The following KIRREL3 variants were observed in gnomAD, a reference collection of about 807,000 sequenced individuals.
KIRREL3 encodes the protein kirre like nephrin family adhesion molecule 3.
A neutral mutation model predicts 89.7 loss-of-function variants in KIRREL3; 36 were observed. The ratio of observed to expected loss-of-function variants is 0.40; its 90% CI spans 0.31 to 0.53. The LOEUF is 0.53. Ranked by LOEUF, KIRREL3 falls within the 20% of genes least tolerant of loss-of-function variation. The pLI, the probability that KIRREL3 is intolerant of heterozygous loss-of-function variation, is 0.49. For missense variants in KIRREL3, 864 were observed against 1,056.6 expected (o/e 0.82, Z 2.53); for synonymous variants, 445 against 441.4 (o/e 1.01, Z -0.10).
In KIRREL3 at chr11:126,490,891, G is replaced by A. The variant is rs1274321719; in HGVS notation, c.434-17425C>T. On this transcript the variant is annotated intron_variant, in intron 4 of 16. Transcript: ENST00000525144. The surrounding 1 kb of genome is among the most constrained non-coding windows in gnomAD (Gnocchi z 4.2). Reference sequence around the variant, plus strand: ...CCTTCTGGAGTGCAAGGTCAGGCAGGGATGCTCATTTGCTCTTAAGGGTGC... The same window carrying A: ...CCTTCTGGAGTGCAAGGTCAGGCAGAGATGCTCATTTGCTCTTAAGGGTGC... Among the ~76,000 whole-genome samples the A allele has an allele frequency of 6.6e-6, 1 of 152,150 alleles. No homozygotes were observed.
Position 126,797,635 on chromosome 11 carries a change from T to A in KIRREL3, c.55+202820A>T, listed in dbSNP as rs1950855629. Among the ~76,000 whole-genome samples, 1 of 152,100 alleles carries A rather than the reference T, an allele frequency of 6.6e-6. No individual in the cohort carries two copies. Among genetic ancestry groups the A allele is most frequent in the East Asian group, 1.9e-4 (1 of 5,186 alleles). ...TGGGGCTGTGTGATGGGGCTTCTGA[T>A]GGGGCCCTGGCAGCGGGAGTCTCAG... On this transcript the variant is annotated intron_variant, in intron 1 of 16. Transcript: ENST00000525144. This position sits in a 1 kb window ranked among gnomAD's most constrained non-coding sequence, Gnocchi z 4.9.
At chr11:126,464,542 A>G (rs1056494292) in intron 5 of KIRREL3, among the ~76,000 whole-genome samples, 1 of 20,684 alleles carries the variant, frequency 4.8e-5, no homozygotes, top group Non-Finnish European at 9.1e-5. Context: ...GAAGAAGAAG[A>G]AAAAGAAAAA....
chr11:126,990,812 C>G lies in KIRREL3; in HGVS notation c.55+9643G>C, dbSNP rs146851293. 3.9e-5 allele frequency among the ~76,000 whole-genome samples: 6 copies of G among 152,326 alleles called. 1 individual carries two copies. Among genetic ancestry groups the G allele is most frequent in the African/African-American group, 1.2e-4 (5 of 41,574 alleles). ...AGTGCAGGTCCTAGGATTTAGGGAA[C>G]GCAACCACTGAGGGATTAAGTGGTG... is the stretch of plus-strand genomic sequence containing the variant. On this transcript the variant is annotated intron_variant, in intron 1 of 16. Coordinates refer to ENST00000525144, the MANE Select transcript of KIRREL3 (RefSeq NM_032531.4). This position sits in a 1 kb window ranked among gnomAD's most constrained non-coding sequence, Gnocchi z 6.3.
At chr11:126,456,294 G>A in intron 7 of KIRREL3, 55 bp downstream of exon 7, 1 of 1,216,994 alleles carries the variant, frequency 8.2e-7, no homozygotes, top group Non-Finnish European at 1.2e-6. Context: ...CCACGTGAGA[G>A]GCACGGGGGT....
intron 1 of KIRREL3, among the ~76,000 whole-genome samples, chr11:126,660,505 A>G (rs1945347509): frequency 6.6e-6 from 1 of 152,174 alleles, no homozygotes; most frequent in South Asian, 2.1e-4. Context: ...TTCCATTAGC[A>G]TGGCTAATTG....
Position 126,428,083 on chromosome 11 carries a change from C to T in KIRREL3, c.1806+1096G>A, listed in dbSNP as rs1420167256. Among the ~76,000 whole-genome samples the T allele has an allele frequency of 6.6e-6, 1 of 152,174 alleles. No individual in the cohort carries two copies. Among genetic ancestry groups the T allele is most frequent in the African/African-American group, 2.4e-5 (1 of 41,442 alleles). ...GATGAACACAGCAGCAGCTGCTCAC[C>T]CTCTAGCAACATAAACCGCTAATAT... On this transcript the variant is annotated intron_variant, in intron 15 of 16. Transcript: ENST00000525144. The surrounding 1 kb of genome is among the most constrained non-coding windows in gnomAD (Gnocchi z 6.4).
At position 126,521,682 on chromosome 11, in the gene KIRREL3, G is replaced by C. The variant is rs1273015022; in HGVS notation, c.284-218C>G. ...TCTCTCTCTCTCTCTCTGTATGTGT[G>C]TGTGTGTGTGTGTGTGTGTGTGTGT... On this transcript the variant is annotated intron_variant, in intron 3 of 16. Transcript: ENST00000525144. The surrounding 1 kb of genome is among the most constrained non-coding windows in gnomAD (Gnocchi z 4.1). Among the ~76,000 whole-genome samples, 3 of 748 alleles carry C rather than the reference G, an allele frequency of 4.0e-3. No individual in the cohort carries two copies. The highest frequency in any genetic ancestry group is 0.014 in the African/African-American group (3 of 210). The allele number at this position is 748 out of a possible 152,430, so 0.5% of individuals were successfully genotyped here.
Position 126,990,716 on chromosome 11 carries a change from T to A in KIRREL3, c.55+9739A>T, listed in dbSNP as rs1950012410. On this transcript the variant is annotated intron_variant, in intron 1 of 16. Coordinates refer to ENST00000525144, the MANE Select transcript of KIRREL3 (RefSeq NM_032531.4). The surrounding 1 kb of genome is among the most constrained non-coding windows in gnomAD (Gnocchi z 6.3). ...TGTAAGAAAAAGGCTTCAGAGGGCA[T>A]CTCCCTGAAGAAACAGAACTCCTTG... is the stretch of plus-strand genomic sequence containing the variant. Among the ~76,000 whole-genome samples, 1 of 152,164 alleles carries A rather than the reference T, an allele frequency of 6.6e-6. No individual in the cohort carries two copies. Among genetic ancestry groups the A allele is most frequent in the African/African-American group, 2.4e-5 (1 of 41,444 alleles).
Position 126,747,908 on chromosome 11 carries a change from G to A in KIRREL3, c.56-184996C>T, listed in dbSNP as rs975565131. On this transcript the variant is annotated intron_variant, in intron 1 of 16. Coordinates refer to ENST00000525144, the MANE Select transcript of KIRREL3 (RefSeq NM_032531.4). The surrounding 1 kb of genome is among the most constrained non-coding windows in gnomAD (Gnocchi z 4.7). ...AGACTCCCCTCCAGACAGGCGTTGC[G>A]GTCTTTCCCTATCCCACAGGGTCTA... Among the ~76,000 whole-genome samples the A allele has an allele frequency of 1.3e-5, 2 of 151,984 alleles. No homozygotes were observed. Among genetic ancestry groups the A allele is most frequent in the African/African-American group, 2.4e-5 (1 of 41,382 alleles).
intron 1 of KIRREL3, among the ~76,000 whole-genome samples, chr11:126,923,178 C>CTTCTTCTTCTTCTT (rs1947461304): frequency 4.7e-5 from 1 of 21,388 alleles, no homozygotes; most frequent in East Asian, 1.1e-3. Context: ...TTCTTCTTCT[C>CTTCTTCTTCTTCTT]TTCTTCTTCT....
chr11:126,951,859 T>G (rs1193889422), intron 1 of KIRREL3, among the ~76,000 whole-genome samples: 2 of 152,190 alleles, frequency 1.3e-5, no homozygotes, highest in Admixed American at 6.5e-5. Context: ...AAATGCTCCC[T>G]GGAAAACCTT....
At chr11:126,799,078 G>A (rs1238170732) in intron 1 of KIRREL3, among the ~76,000 whole-genome samples, 1 of 149,644 alleles carries the variant, frequency 6.7e-6, no homozygotes, top group Non-Finnish European at 1.5e-5. Flanking sequence ...ACGTATTCGT[G>A]TGTGTGCATG....
chr11:126,850,435 T>C (rs1944303134), intron 1 of KIRREL3, among the ~76,000 whole-genome samples: 1 of 152,172 alleles, frequency 6.6e-6, no homozygotes, highest in Non-Finnish European at 1.5e-5. Flanking sequence ...TTGGCAGCTC[T>C]AGGCCTTGAG....
rs529073383 is a variant in KIRREL3, at chr11:126,508,175, A to G, written c.433+13140T>C. ...TTCACATGAAAACCTCTTCCTTTATATAAACATTTATAAACACCTGGATCG... is the reference window on the plus strand; with the variant it reads ...TTCACATGAAAACCTCTTCCTTTATGTAAACATTTATAAACACCTGGATCG... On this transcript the variant is annotated intron_variant, in intron 4 of 16. Coordinates refer to ENST00000525144, the MANE Select transcript of KIRREL3 (RefSeq NM_032531.4). This position sits in a 1 kb window ranked among gnomAD's most constrained non-coding sequence, Gnocchi z 4.9. Among the ~76,000 whole-genome samples, 2 of 152,312 alleles carry G rather than the reference A, an allele frequency of 1.3e-5. No individual in the cohort carries two copies. Among genetic ancestry groups the G allele is most frequent in the African/African-American group, 4.8e-5 (2 of 41,566 alleles).
Position 127,000,652 on chromosome 11 carries a change from C to T in KIRREL3, c.-143G>A. The T allele has an allele frequency of 1.4e-6, 1 of 740,194 alleles. No homozygotes were observed. The highest frequency in any genetic ancestry group is 2.2e-6 in the Non-Finnish European group (1 of 453,040). The allele number at this position is 740,194 out of a possible 1,614,324, so 45.9% of individuals were successfully genotyped here. A position where few individuals can be genotyped will look rare whatever the true frequency, so the allele number is the denominator to read the frequency against. On this transcript the variant is annotated 5_prime_UTR_variant, in exon 1 of 17. Coordinates refer to ENST00000525144, the MANE Select transcript of KIRREL3 (RefSeq NM_032531.4). The surrounding 1 kb of genome is among the most constrained non-coding windows in gnomAD (Gnocchi z 7.1). ...TCCGTCCGTGGGTCCCTCCGGGTGG[C>T]TTCGGTCTCTTTGTGCCTCTGGGTA...
At chr11:126,804,035 T>A (rs10790833) in intron 1 of KIRREL3, among the ~76,000 whole-genome samples, 34,222 of 152,154 alleles carry the variant, frequency 0.22, 4,477 homozygotes, top group East Asian at 0.46. Flanking sequence ...ATATGTGTCA[T>A]CTATGTTTGT....
In KIRREL3 at chr11:126,788,208, C is replaced by G. The variant is rs549943993; in HGVS notation, c.55+212247G>C. Among the ~76,000 whole-genome samples, 1 of 152,216 alleles carries G rather than the reference C, an allele frequency of 6.6e-6. No homozygotes were observed. The highest frequency in any genetic ancestry group is 2.4e-5 in the African/African-American group (1 of 41,460). On this transcript the variant is annotated intron_variant, in intron 1 of 16. Coordinates refer to ENST00000525144, the MANE Select transcript of KIRREL3 (RefSeq NM_032531.4). The surrounding 1 kb of genome is among the most constrained non-coding windows in gnomAD (Gnocchi z 4.1). The stretch of plus-strand genomic sequence containing the variant: ...ACAAATGCACAATCTGGAAGGAAAT[C>G]GTTTCTAACCATCTCTTTTTCATTC...
At chr11:126,464,289 C>G (rs1191662125) in intron 5 of KIRREL3, among the ~76,000 whole-genome samples, 1 of 140,990 alleles carries the variant, frequency 7.1e-6, no homozygotes, top group Non-Finnish European at 1.5e-5. Context: ...GGGAGGATTG[C>G]TTGAGCCTAG....
In KIRREL3 at chr11:126,978,098, G is replaced by A. The variant is rs1480361669; in HGVS notation, c.55+22357C>T. Among the ~76,000 whole-genome samples, 1 of 152,148 alleles carries A rather than the reference G, an allele frequency of 6.6e-6. No homozygotes were observed. The highest frequency in any genetic ancestry group is 2.4e-5 in the African/African-American group (1 of 41,434). The stretch of plus-strand genomic sequence containing the variant: ...CCTCCTTCCAAGCCTGTGGCCACAA[G>A]CCCCAGGGATAATGGTCAGCACATT... On this transcript the variant is annotated intron_variant, in intron 1 of 16. Coordinates refer to ENST00000525144, the MANE Select transcript of KIRREL3 (RefSeq NM_032531.4). The surrounding 1 kb of genome is among the most constrained non-coding windows in gnomAD (Gnocchi z 4.2).
Sources: allele counts gnomAD v4.1 joint callset (sites outside exome capture counted in the v4.1 genomes callset), GRCh38; gene constraint gnomAD v4.1.1; non-coding constraint Gnocchi (gnomAD v3.1); transcripts MANE v1.5; gene names NCBI Gene and HGNC (gene_info 2026-07-23, HGNC 2026-07-21).